Variants in LUZP2 observed in about 807,000 individuals in gnomAD.
The protein encoded by LUZP2 is leucine zipper protein 2.
LUZP2 carries 52 observed loss-of-function variants against 51.6 expected under a neutral mutation model. The observed-to-expected ratio is 1.01, with a 90% CI of 0.81 to 1.27. The LOEUF is 1.27. Ranked by LOEUF, LUZP2 falls within the 50% of genes most tolerant of loss-of-function variation. The pLI is 0.00. For missense variants in LUZP2, 436 were observed against 395.4 expected (o/e 1.10, Z -0.87); for synonymous variants, 154 against 137.3 (o/e 1.12, Z -0.85).
chr11:24,578,247 G>A (rs948642350), intron 1 of LUZP2, among the ~76,000 whole-genome samples: 1 of 152,022 alleles, frequency 6.6e-6, no homozygotes, highest in African/African-American at 2.4e-5. Context: ...ATTTTAAGAA[G>A]CTTTCTCAGA....
chr11:24,682,275 A>G (rs1053881758), intron 1 of LUZP2, among the ~76,000 whole-genome samples: 1 of 152,012 alleles, frequency 6.6e-6, no homozygotes, highest in Non-Finnish European at 1.5e-5. Flanking sequence ...TGGGCAAATC[A>G]CTTGAGGACA....
intron 7 of LUZP2, among the ~76,000 whole-genome samples, chr11:24,962,346 A>G (rs1364181465): frequency 2.0e-5 from 3 of 152,222 alleles, no homozygotes; most frequent in Admixed American, 6.5e-5. Flanking sequence ...CCTGGATAAT[A>G]TCCTGCAGAG....
At chr11:24,875,406 T>C (rs908288156) in intron 5 of LUZP2, among the ~76,000 whole-genome samples, 1 of 146,094 alleles carries the variant, frequency 6.8e-6, no homozygotes, top group Non-Finnish European at 1.5e-5. Flanking sequence ...TCCAATTTCA[T>C]CCATGTCCCT....
intron 9 of LUZP2, among the ~76,000 whole-genome samples, chr11:25,012,853 T>C (rs1391007627): frequency 6.6e-6 from 1 of 152,096 alleles, no homozygotes; most frequent in East Asian, 1.9e-4. Flanking sequence ...CCCTTCAATA[T>C]AGGCATCGCA....
intron 1 of LUZP2, among the ~76,000 whole-genome samples, chr11:24,684,482 C>T (rs1361961197): frequency 2.6e-5 from 4 of 152,110 alleles, no homozygotes; most frequent in African/African-American, 9.7e-5. Flanking sequence ...AGGACTAATC[C>T]AATTTTTGTG....
chr11:24,498,148 A>G (rs1252555128), intron 1 of LUZP2, among the ~76,000 whole-genome samples: 1 of 152,184 alleles, frequency 6.6e-6, no homozygotes, highest in African/African-American at 2.4e-5. Context: ...TGGACTGTTT[A>G]GTTGCCCAGG....
chr11:24,744,495 AT>A (rs1434429136), intron 4 of LUZP2, among the ~76,000 whole-genome samples: 1 of 152,056 alleles, frequency 6.6e-6, no homozygotes, highest in Non-Finnish European at 1.5e-5. Flanking sequence ...GTTTATGTGC[AT>A]AAAGGTGTTC....
At chr11:24,577,470 A>G (rs1852690237) in intron 1 of LUZP2, among the ~76,000 whole-genome samples, 1 of 152,132 alleles carries the variant, frequency 6.6e-6, no homozygotes, top group African/African-American at 2.4e-5. Context: ...TAAATTCTGT[A>G]TTTCATGATT....
intron 9 of LUZP2, among the ~76,000 whole-genome samples, chr11:25,047,296 C>G (rs1406561394): frequency 6.6e-6 from 1 of 150,626 alleles, no homozygotes; most frequent in Non-Finnish European, 1.5e-5. Flanking sequence ...GAATAAATAG[C>G]TGTTTTGACT....
chr11:24,763,079 G>T, intron 4 of LUZP2, 167 bp from the exon 5 acceptor site: 1 of 394,786 alleles, frequency 2.5e-6, no homozygotes. Flanking sequence ...ATGAATATAT[G>T]TGTGAATTTA....
intron 3 of LUZP2, 135 bp from the exon 4 acceptor site, chr11:24,738,086 T>C (rs777003674): frequency 2.4e-5 from 13 of 533,544 alleles, no homozygotes; most frequent in South Asian, 2.0e-4. Flanking sequence ...CCTGTATGCT[T>C]AACTGTGGCT....
intron 1 of LUZP2, among the ~76,000 whole-genome samples, chr11:24,574,838 G>A (rs1852590980): frequency 6.6e-6 from 1 of 152,034 alleles, no homozygotes; most frequent in Non-Finnish European, 1.5e-5. Context: ...TTGTAACATT[G>A]ACTAGATACT....
intron 5 of LUZP2, among the ~76,000 whole-genome samples, chr11:24,822,251 T>C (rs1186812273): frequency 6.6e-6 from 1 of 152,172 alleles, no homozygotes; most frequent in African/African-American, 2.4e-5. Context: ...TCTGCTAATA[T>C]TTATCACTGA....
At chr11:24,888,451 C>A (rs1324646547) in intron 5 of LUZP2, among the ~76,000 whole-genome samples, 1 of 151,810 alleles carries the variant, frequency 6.6e-6, no homozygotes, top group African/African-American at 2.4e-5. Flanking sequence ...AGCCATATTG[C>A]AAATATGATA....
At chr11:24,963,000 G>T (rs960015590) in intron 7 of LUZP2, among the ~76,000 whole-genome samples, 9 of 152,198 alleles carry the variant, frequency 5.9e-5, no homozygotes, top group African/African-American at 2.2e-4. Context: ...GTCAGCTGCA[G>T]GTCTGTTGGA....
At chr11:24,630,674 T>TA (rs201591250) in intron 1 of LUZP2, among the ~76,000 whole-genome samples, 6,521 of 46,900 alleles carry the variant, frequency 0.14, 459 homozygotes, top group African/African-American at 0.37. Context: ...CTATTCCGAC[T>TA]TTTTTTTTTT....
intron 1 of LUZP2, among the ~76,000 whole-genome samples, chr11:24,563,715 A>G (rs1210324538): frequency 6.6e-6 from 1 of 152,136 alleles, no homozygotes; most frequent in Non-Finnish European, 1.5e-5. Flanking sequence ...AAGTGGGAGA[A>G]GATGAGGAAA....
chr11:24,707,313 T>G (rs533447846), intron 1 of LUZP2, among the ~76,000 whole-genome samples: 11 of 151,946 alleles, frequency 7.2e-5, no homozygotes, highest in African/African-American at 2.4e-4. Flanking sequence ...TGTGCGTGTG[T>G]GTGTGTGTGT....
chr11:24,864,762 C>T (rs767871367), intron 5 of LUZP2, among the ~76,000 whole-genome samples: 3 of 152,174 alleles, frequency 2.0e-5, no homozygotes, highest in Non-Finnish European at 4.4e-5. Context: ...TTGATTTATG[C>T]TGCTTCATAA....
Sources: gnomAD v4.1 joint callset for allele counts (sites outside exome capture counted in the v4.1 genomes callset) on GRCh38, gnomAD v4.1.1 for gene constraint, MANE v1.5 for transcripts, NCBI Gene and HGNC (gene_info 2026-07-23, HGNC 2026-07-21) for gene names.